Variants in PCDHGA11 observed in about 807,000 individuals in gnomAD.
The protein encoded by PCDHGA11 is protocadherin gamma-A11.
In PCDHGA11, 39 loss-of-function variants were observed where a neutral mutation model predicts 60.4. The observed-to-expected ratio is 0.65, with a 90% confidence interval of 0.50 to 0.84. PCDHGA11 has a LOEUF of 0.84. PCDHGA11 is among the 40% of genes least tolerant of loss of function. The pLI is 0.00. For synonymous variants in PCDHGA11, 533 were observed against 510.3 expected, an observed-to-expected ratio of 1.04 and a Z score of -0.60; for missense variants, 1,165 against 1,197.7, an observed-to-expected ratio of 0.97 and a Z score of 0.40.
rs777330051 is a variant in PCDHGA11, at chr5:141,422,639, C to T, written c.1412C>T (p.Ser471Phe). 6 of 1,612,780 alleles carry T rather than the reference C, an allele frequency of 3.7e-6. No homozygotes were observed. Among genetic ancestry groups the T allele is most frequent in the South Asian group, 2.2e-5 (2 of 90,892 alleles). The change falls in exon 1 of 4, where the codon TCC becomes TTC. Residue 471 changes from serine to phenylalanine, a missense_variant. Physicochemically the swap from Ser to Phe is radical, Grantham distance 155. Coordinates refer to ENST00000398587, the MANE Select transcript of PCDHGA11 (RefSeq NM_018914.3). ...CCCGAAAACAACCCCAGGGGTGCCT[C>T]CATCTTCTCAGTGACCGCCCTCGAC... is the stretch of plus-strand genomic sequence containing the variant. ...YIPENNPRGA[S>F]IFSVTALDPD... is the part of the protein sequence containing the mutation.
chr5:141,461,392 A>G (rs781666201), intron 1 of PCDHGA11, among the ~76,000 whole-genome samples: 18 of 152,178 alleles, frequency 1.2e-4, no homozygotes, highest in Non-Finnish European at 2.2e-4. Context: ...ATGATTAGCG[A>G]TGTTGAGCAT....
Position 141,490,220 on chromosome 5 carries a change from A to G in PCDHGA11, c.2434-4587A>G. 6.2e-7 allele frequency: 1 copy of G among 1,614,252 alleles called. No individual in the cohort carries two copies. Among genetic ancestry groups the G allele is most frequent in the Non-Finnish European group, 8.5e-7 (1 of 1,180,044 alleles). On this transcript the variant is annotated intron_variant, in intron 1 of 3. Coordinates refer to ENST00000398587, the MANE Select transcript of PCDHGA11 (RefSeq NM_018914.3). This position sits in a 1 kb window ranked among gnomAD's most constrained non-coding sequence, Gnocchi z 5.4. The stretch of plus-strand genomic sequence containing the variant: ...CATGCAAGAGCCCGTGACCAGGGAC[A>G]GCCTGCCATGGAGGGCCACTGTGTG...
chr5:141,432,949 CG>C lies in PCDHGA11; in HGVS notation c.2433+9291del, dbSNP rs930064840. 6.2e-7 allele frequency: 1 copy of C among 1,614,066 alleles called. No individual in the cohort carries two copies. Among genetic ancestry groups the C allele is most frequent in the African/African-American group, 1.3e-5 (1 of 74,930 alleles). ...CACGCCTGCTGCAGGCTTCAGGAGG[CG>C]GCTTGACAGGAGCGCCGGCGTCGCA... On this transcript the variant is annotated intron_variant, in intron 1 of 3. Transcript: ENST00000398587. This position sits in a 1 kb window ranked among gnomAD's most constrained non-coding sequence, Gnocchi z 6.0.
intron 1 of PCDHGA11, among the ~76,000 whole-genome samples, chr5:141,425,819 A>C (rs1183860957): frequency 6.6e-6 from 1 of 152,246 alleles, no homozygotes; most frequent in Non-Finnish European, 1.5e-5. Flanking sequence ...TTAGAAAAAA[A>C]CAAACTTTTA....
rs373882091 is a variant in PCDHGA11 at position 141,432,369 on chromosome 5, A to T, written c.2433+8709A>T. 1.2e-6 allele frequency: 2 copies of T among 1,614,104 alleles called. No homozygotes were observed. Among genetic ancestry groups the T allele is most frequent in the African/African-American group, 2.7e-5 (2 of 74,938 alleles). On this transcript the variant is annotated intron_variant, in intron 1 of 3. Transcript: ENST00000398587. The surrounding 1 kb of genome is among the most constrained non-coding windows in gnomAD (Gnocchi z 6.0). Reference sequence around the variant, plus strand: ...CAAGTGAAAGTGATGGCGCGGGACAACGGGCACCCGCCCCTCAGCAGCAAC... The same window carrying T: ...CAAGTGAAAGTGATGGCGCGGGACATCGGGCACCCGCCCCTCAGCAGCAAC...
intron 1 of PCDHGA11, chr5:141,441,621 G>C (rs2098260273): frequency 9.0e-6 from 2 of 223,292 alleles, no homozygotes; most frequent in Non-Finnish European, 1.8e-5. Flanking sequence ...CGTGGCCAGT[G>C]ACCTGGAGCC....
At chr5:141,464,411 A>G (rs1029342220) in intron 1 of PCDHGA11, among the ~76,000 whole-genome samples, 3 of 151,624 alleles carry the variant, frequency 2.0e-5, no homozygotes, top group Admixed American at 6.6e-5. Flanking sequence ...AGATATATAT[A>G]TATCTATATA....
At chr5:141,497,129 T>G (rs528066007) in intron 2 of PCDHGA11, among the ~76,000 whole-genome samples, 1 of 151,692 alleles carries the variant, frequency 6.6e-6, no homozygotes, top group Admixed American at 6.6e-5. Flanking sequence ...GAGGTTGCAG[T>G]GAGCTGAGAT....
rs146235929 is a variant in PCDHGA11 at position 141,511,610 on chromosome 5, C to A, written c.*437C>A. On this transcript the variant is annotated 3_prime_UTR_variant, in exon 4 of 4. Transcript: ENST00000398587. ...GAAGTACCAAGTAACCTACAAGCCT[C>A]CTAGTTCTGAAAAGTTGGAAGGGCA... 1.0e-3 allele frequency: 247 copies of A among 237,682 alleles called. 1 individual carries two copies. The highest frequency in any genetic ancestry group is 5.2e-3 in the African/African-American group (235 of 45,400). The allele number at this position is 237,682 out of a possible 1,614,324, so 14.7% of individuals were successfully genotyped here. A position where few individuals can be genotyped will look rare whatever the true frequency, so the allele number is the denominator to read the frequency against.
At chr5:141,501,318 C>T (rs1273608837) in intron 2 of PCDHGA11, among the ~76,000 whole-genome samples, 1 of 151,766 alleles carries the variant, frequency 6.6e-6, no homozygotes, top group African/African-American at 2.4e-5. Flanking sequence ...CACACACACA[C>T]ACACACACAC....
chr5:141,446,936 C>G (rs935365668), intron 1 of PCDHGA11, among the ~76,000 whole-genome samples: 3 of 152,176 alleles, frequency 2.0e-5, no homozygotes, highest in African/African-American at 7.2e-5. Context: ...CTCTTTTTCA[C>G]TGTAAGAAAC....
chr5:141,502,535 G>A (rs910160644), intron 2 of PCDHGA11, among the ~76,000 whole-genome samples: 14 of 152,172 alleles, frequency 9.2e-5, no homozygotes, highest in South Asian at 2.1e-4. Flanking sequence ...GAGTTTGTTC[G>A]TGTGGTAAAA....
intron 1 of PCDHGA11, among the ~76,000 whole-genome samples, chr5:141,445,264 G>A (rs566395616): frequency 1.4e-4 from 22 of 152,276 alleles, no homozygotes; most frequent in Admixed American, 1.4e-3. Flanking sequence ...AATATAAGTC[G>A]AAACCACTCT....
Position 141,432,466 on chromosome 5 carries a change from G to A in PCDHGA11, c.2433+8806G>A, listed in dbSNP as rs149116648. 5.7e-4 allele frequency: 913 copies of A among 1,614,208 alleles called. 6 individuals carry two copies. In the African/African-American group the frequency reaches 0.011, roughly 19 times the overall value. On this transcript the variant is annotated intron_variant, in intron 1 of 3. Transcript: ENST00000398587. This position sits in a 1 kb window ranked among gnomAD's most constrained non-coding sequence, Gnocchi z 6.0. The stretch of plus-strand genomic sequence containing the variant: ...AGATCCTGTACCCCGCCCTCCCCAC[G>A]GACGGTTCCACTGGCGTGGAGCTGG...
At chr5:141,478,963 A>G (rs193236728) in intron 1 of PCDHGA11, among the ~76,000 whole-genome samples, 5 of 152,322 alleles carry the variant, frequency 3.3e-5, no homozygotes, top group East Asian at 1.9e-4. Context: ...TCATTCCTCC[A>G]CCTTTCAAGT....
chr5:141,474,371 G>A (rs909237592), intron 1 of PCDHGA11, among the ~76,000 whole-genome samples: 1 of 152,180 alleles, frequency 6.6e-6, no homozygotes, highest in African/African-American at 2.4e-5. Flanking sequence ...TAGGTCTAGA[G>A]GAGGGCATTT....
At chr5:141,509,268 G>A (rs2099875959) in intron 3 of PCDHGA11, among the ~76,000 whole-genome samples, 1 of 152,150 alleles carries the variant, frequency 6.6e-6, no homozygotes, top group South Asian at 2.1e-4. Flanking sequence ...AGTCACTCTC[G>A]CTACCCGCTC....
intron 1 of PCDHGA11, among the ~76,000 whole-genome samples, chr5:141,464,935 T>A (rs1157718693): frequency 6.6e-6 from 1 of 151,882 alleles, no homozygotes; most frequent in African/African-American, 2.4e-5. Flanking sequence ...AGATGTGAGG[T>A]CTCACTATGT....
Position 141,432,538 on chromosome 5 carries a change from G to T in PCDHGA11, c.2433+8878G>T, listed in dbSNP as rs200601557. 1 of 1,613,908 alleles carries T rather than the reference G, an allele frequency of 6.2e-7. No individual in the cohort carries two copies. Among genetic ancestry groups the T allele is most frequent in the African/African-American group, 1.3e-5 (1 of 74,936 alleles). Reference sequence around the variant, plus strand: ...GCTACCTGGTGACCAAGGTGGTGGCGGTGGACAGAGACTCCGGCCAGAACG... The same window carrying T: ...GCTACCTGGTGACCAAGGTGGTGGCTGTGGACAGAGACTCCGGCCAGAACG... On this transcript the variant is annotated intron_variant, in intron 1 of 3. Coordinates refer to ENST00000398587, the MANE Select transcript of PCDHGA11 (RefSeq NM_018914.3). This position sits in a 1 kb window ranked among gnomAD's most constrained non-coding sequence, Gnocchi z 6.0.
Sources: allele counts gnomAD v4.1 joint callset (sites outside exome capture counted in the v4.1 genomes callset), GRCh38; gene constraint gnomAD v4.1.1; non-coding constraint Gnocchi (gnomAD v3.1); transcripts MANE v1.5; gene names NCBI Gene and HGNC (gene_info 2026-07-23, HGNC 2026-07-21).